The following CTNNAL1 variants were observed in gnomAD, a reference collection of about 807,000 sequenced individuals.
CTNNAL1 encodes the protein catenin alpha like 1, also known as alpha-catulin.
Under a neutral mutation model 93.6 loss-of-function variants are expected in CTNNAL1, and 69 were observed. That is an observed-to-expected ratio of 0.74 (90% confidence interval 0.61 to 0.90). The LOEUF is 0.90. Ranked by LOEUF, CTNNAL1 falls within the 40% of genes least tolerant of loss-of-function variation. The pLI is 0.00. For synonymous variants in CTNNAL1, 286 were observed against 305.4 expected (o/e 0.94, Z 0.66); for missense variants, 836 against 862.0 (o/e 0.97, Z 0.38).
intron 8 of CTNNAL1, among the ~76,000 whole-genome samples, chr9:108,975,129 C>T (rs1182809296): frequency 6.6e-6 from 1 of 152,034 alleles, no homozygotes; most frequent in African/African-American, 2.4e-5. Flanking sequence ...CGCCACTGCA[C>T]TCCAGCTTGG....
chr9:108,977,329 ATTTTC>A (rs1167072260), intron 7 of CTNNAL1: 2 of 190,016 alleles, frequency 1.1e-5, no homozygotes, highest in African/African-American at 4.7e-5. Context: ...TTAAAATCTA[ATTTTC>A]TTTAATAAAC....
At chr9:109,001,825 C>T (rs939965722) in intron 1 of CTNNAL1, among the ~76,000 whole-genome samples, 1 of 152,176 alleles carries the variant, frequency 6.6e-6, no homozygotes, top group African/African-American at 2.4e-5. Context: ...CCAGGTAAGC[C>T]ACTCTAGAAT....
Position 108,952,277 on chromosome 9 carries a change from C to G in CTNNAL1, c.1767G>C (p.Gln589His), listed in dbSNP as rs536377756. 82 of 1,614,226 alleles carry G rather than the reference C, an allele frequency of 5.1e-5. No homozygotes were observed. In the South Asian group the frequency reaches 7.9e-4, roughly 16 times the overall value. ...ADCEIEKWED[Q>H]ENEIVQYGRN... ...GTCCATATTGAACAATCTCATTCTC[C>G]TGATCTTCCCACTTCTCAATTTCGC... is the stretch of plus-strand genomic sequence containing the variant. Residue 589 changes from glutamine to histidine, a missense_variant, in exon 14 of 19, where the codon CAG (glutamine) becomes CAC (histidine). Coordinates refer to ENST00000325551, the MANE Select transcript of CTNNAL1 (RefSeq NM_003798.4).
At chr9:108,984,951 T>C (rs1362972010) in intron 4 of CTNNAL1, among the ~76,000 whole-genome samples, 1 of 152,236 alleles carries the variant, frequency 6.6e-6, no homozygotes, top group Non-Finnish European at 1.5e-5. Flanking sequence ...TATGCTGCTC[T>C]GAAATATTCT....
At chr9:108,954,253 A>C (rs1830638325) in intron 12 of CTNNAL1, among the ~76,000 whole-genome samples, 1 of 152,190 alleles carries the variant, frequency 6.6e-6, no homozygotes, top group East Asian at 1.9e-4. Context: ...CCCTAAATAT[A>C]AATAGCACCA....
At chr9:109,000,289 A>C (rs1478856285) in intron 1 of CTNNAL1, among the ~76,000 whole-genome samples, 1 of 152,214 alleles carries the variant, frequency 6.6e-6, no homozygotes, top group East Asian at 1.9e-4. Context: ...AGTGAATGAG[A>C]CTAAGACAAT....
chr9:108,944,524 A>G (rs563122020), intron 15 of CTNNAL1, among the ~76,000 whole-genome samples: 1 of 152,316 alleles, frequency 6.6e-6, no homozygotes, highest in Admixed American at 6.5e-5. Context: ...TTTCAGATTA[A>G]TTTTCACTAT....
At chr9:108,950,914 C>T (rs2132090741) in intron 14 of CTNNAL1, among the ~76,000 whole-genome samples, 1 of 152,238 alleles carries the variant, frequency 6.6e-6, no homozygotes, top group South Asian at 2.1e-4. Context: ...CCAATATCAG[C>T]TTTATCAATA....
At chr9:108,991,602 G>T (rs1168562870) in intron 3 of CTNNAL1, among the ~76,000 whole-genome samples, 1 of 152,012 alleles carries the variant, frequency 6.6e-6, no homozygotes, top group East Asian at 1.9e-4. Context: ...TGAATATTTG[G>T]CATGTTAATC....
rs1564118793 is a variant in CTNNAL1 at position 108,945,637 on chromosome 9, T to TG, written c.1885-1620_1885-1619insC. On this transcript the variant is annotated intron_variant, in intron 15 of 18. Coordinates refer to ENST00000325551, the MANE Select transcript of CTNNAL1 (RefSeq NM_003798.4). ...CCACCATGCCCCGCTAGTTTTTTTT[T>TG]TTTTTGTTTTGTTTTTTTGTAGAGA... Among the ~76,000 whole-genome samples the TG allele has an allele frequency of 5.1e-3, 761 of 148,450 alleles. 10 individuals carry two copies. Among genetic ancestry groups the TG allele is most frequent in the African/African-American group, 0.018 (742 of 40,668 alleles).
intron 2 of CTNNAL1, among the ~76,000 whole-genome samples, chr9:108,994,607 TTG>T (rs539533344): frequency 1.3e-5 from 2 of 152,208 alleles, no homozygotes; most frequent in South Asian, 4.1e-4. Flanking sequence ...CTTGGATGTC[TTG>T]TGTATAATGA....
intron 18 of CTNNAL1, 45 bp downstream of exon 18, chr9:108,942,916 A>C: frequency 6.2e-7 from 1 of 1,609,368 alleles, no homozygotes; most frequent in Non-Finnish European, 8.5e-7. Flanking sequence ...TTTTCTTTTA[A>C]ACCATTTTTT....
intron 3 of CTNNAL1, chr9:108,992,098 A>T: frequency 1.3e-6 from 1 of 762,950 alleles, no homozygotes; most frequent in Non-Finnish European, 2.4e-6. Flanking sequence ...AGTACAGAAG[A>T]ATTCAGTATT....
At chr9:108,978,758 G>A (rs1488089071) in intron 7 of CTNNAL1, among the ~76,000 whole-genome samples, 2 of 152,180 alleles carry the variant, frequency 1.3e-5, no homozygotes, top group African/African-American at 4.8e-5. Context: ...ATTTGTGCAA[G>A]GGTGAAAAGC....
chr9:108,976,626 G>T (rs1831275705), intron 8 of CTNNAL1, among the ~76,000 whole-genome samples: 1 of 152,060 alleles, frequency 6.6e-6, no homozygotes, highest in Admixed American at 6.5e-5. Flanking sequence ...GAGCCCTGGG[G>T]ATCAGGTGAT....
intron 10 of CTNNAL1, among the ~76,000 whole-genome samples, chr9:108,968,494 G>A (rs1213015362): frequency 6.6e-6 from 1 of 152,212 alleles, no homozygotes; most frequent in Non-Finnish European, 1.5e-5. Flanking sequence ...ACAACTGATT[G>A]CATATGGCAG....
rs1831489914 is a variant in CTNNAL1 at position 108,983,199 on chromosome 9, A to T, written c.846T>A (p.Asn282Lys). 2 of 1,582,014 alleles carry T rather than the reference A, an allele frequency of 1.3e-6. No homozygotes were observed. The highest frequency in any genetic ancestry group is 1.7e-6 in the Non-Finnish European group (2 of 1,163,808). Residue 282 changes from asparagine to lysine, a missense_variant, in exon 6 of 19, where the codon AAT (asparagine) becomes AAA (lysine). Asn to Lys is a moderately conservative substitution (Grantham distance 94, BLOSUM62 0). Transcript: ENST00000325551. ...VIEIVTDCKP[N>K]GETDISSISI... ...TGATAGATGAAATGTCAGTCTCTCC[A>T]TTCGGTTTACAGTCAGTCACAATTT...
intron 4 of CTNNAL1, among the ~76,000 whole-genome samples, chr9:108,989,672 G>A (rs1165010940): frequency 1.3e-5 from 2 of 152,114 alleles, no homozygotes; most frequent in Middle Eastern, 3.2e-3. Context: ...CCCCAACAAG[G>A]AAAAGTCAAT....
intron 11 of CTNNAL1, among the ~76,000 whole-genome samples, chr9:108,957,725 A>G (rs1190144012): frequency 1.3e-5 from 2 of 152,220 alleles, no homozygotes; most frequent in East Asian, 3.9e-4. Flanking sequence ...CCGGTCACTC[A>G]GAATTTCAAA....
Sources: gnomAD v4.1 joint callset for allele counts (sites outside exome capture counted in the v4.1 genomes callset) on GRCh38, gnomAD v4.1.1 for gene constraint, MANE v1.5 for transcripts, NCBI Gene and HGNC (gene_info 2026-07-23, HGNC 2026-07-21) for gene names.